Variants in MACROD2 observed in about 807,000 individuals in gnomAD.
MACROD2 encodes the protein ADP-ribose glycohydrolase MACROD2.
In MACROD2, 36 loss-of-function variants were observed where a neutral mutation model predicts 70.4. The observed-to-expected ratio is 0.51, with a 90% CI of 0.39 to 0.68. MACROD2 has a LOEUF of 0.68. MACROD2 is among the 30% of genes least tolerant of loss of function. MACROD2 has a pLI of 0.00. For synonymous variants in MACROD2, 172 were observed against 178.8 expected, an observed-to-expected ratio of 0.96 and a Z score of 0.30; for missense variants, 496 against 538.4, an observed-to-expected ratio of 0.92 and a Z score of 0.78.
intron 8 of MACROD2, among the ~76,000 whole-genome samples, chr20:15,754,519 A>G (rs2051318321): frequency 6.6e-6 from 1 of 151,952 alleles, no homozygotes; most frequent in Non-Finnish European, 1.5e-5. Flanking sequence ...CTGAGGTAGG[A>G]GAATCATCTG....
chr20:15,039,801 G>C (rs192258396), intron 5 of MACROD2, among the ~76,000 whole-genome samples: 60 of 152,106 alleles, frequency 3.9e-4, no homozygotes, highest in African/African-American at 1.4e-3. Flanking sequence ...CCTACACCAG[G>C]GTTTACTTTC....
intron 7 of MACROD2, among the ~76,000 whole-genome samples, chr20:15,432,811 C>G (rs2046379508): frequency 1.3e-5 from 2 of 151,790 alleles, no homozygotes; most frequent in Admixed American, 1.3e-4. Flanking sequence ...TGTTTTACTT[C>G]TGAGAATCTT....
intron 4 of MACROD2, among the ~76,000 whole-genome samples, chr20:14,581,731 C>T (rs1000446819): frequency 6.6e-6 from 1 of 152,216 alleles, no homozygotes; most frequent in Non-Finnish European, 1.5e-5. Flanking sequence ...CTCTTCCCAT[C>T]ATCCATTGCT....
At chr20:15,918,058 A>G (rs1343988274) in intron 10 of MACROD2, among the ~76,000 whole-genome samples, 4 of 152,182 alleles carry the variant, frequency 2.6e-5, no homozygotes, top group Non-Finnish European at 5.9e-5. Context: ...ATGAATAAAT[A>G]AATTGTTTAA....
At chr20:15,649,496 A>G (rs2049611838) in intron 8 of MACROD2, among the ~76,000 whole-genome samples, 1 of 152,058 alleles carries the variant, frequency 6.6e-6, no homozygotes, top group Non-Finnish European at 1.5e-5. Flanking sequence ...AGTTGTTCCA[A>G]ATCTCATAGC....
chr20:14,700,488 G>A (rs2071182687), intron 5 of MACROD2, among the ~76,000 whole-genome samples: 1 of 151,498 alleles, frequency 6.6e-6, no homozygotes, highest in Non-Finnish European at 1.5e-5. Flanking sequence ...GCATAGATGA[G>A]TAAGCTTGTT....
intron 4 of MACROD2, among the ~76,000 whole-genome samples, chr20:14,525,539 A>G (rs1028028655): frequency 2.0e-5 from 3 of 152,236 alleles, no homozygotes; most frequent in Non-Finnish European, 4.4e-5. Flanking sequence ...TAATGAATAA[A>G]TGATAAAGCT....
intron 5 of MACROD2, among the ~76,000 whole-genome samples, chr20:15,104,937 AAAG>A (rs1246395680): frequency 2.0e-5 from 3 of 152,182 alleles, no homozygotes; most frequent in Admixed American, 6.5e-5. Flanking sequence ...AGTCCAGAAA[AAAG>A]GTGACTATAC....
At chr20:14,376,751 A>AAAT (rs6147295) in intron 3 of MACROD2, among the ~76,000 whole-genome samples, 1,774 of 135,828 alleles carry the variant, frequency 0.013, 14 homozygotes, top group Middle Eastern at 0.045. Flanking sequence ...GCCTGTCTCA[A>AAAT]AATAATAATA....
At chr20:14,696,355 T>C (rs1184729957) in intron 5 of MACROD2, among the ~76,000 whole-genome samples, 1 of 152,210 alleles carries the variant, frequency 6.6e-6, no homozygotes, top group Non-Finnish European at 1.5e-5. Context: ...TGCTTTTTTT[T>C]ACTGATAAGA....
intron 8 of MACROD2, among the ~76,000 whole-genome samples, chr20:15,821,498 C>T (rs1023466692): frequency 1.3e-4 from 20 of 151,984 alleles, no homozygotes; most frequent in Admixed American, 7.2e-4. Flanking sequence ...CAGTCTGGGC[C>T]GGATTTGGAA....
At chr20:14,704,370 TCTTGGGTG>T in intron 5 of MACROD2, among the ~76,000 whole-genome samples, 1 of 152,050 alleles carries the variant, frequency 6.6e-6, no homozygotes, top group Non-Finnish European at 1.5e-5. Flanking sequence ...GCTCACTGCT[TCTTGGGTG>T]GGATAATTAT....
chr20:14,117,676 A>T (rs1047855473), intron 3 of MACROD2, among the ~76,000 whole-genome samples: 2 of 152,012 alleles, frequency 1.3e-5, no homozygotes, highest in South Asian at 4.1e-4. Context: ...ATGACTCTTC[A>T]TTTCCTTTGG....
intron 4 of MACROD2, among the ~76,000 whole-genome samples, chr20:14,626,683 A>G (rs1169292350): frequency 2.6e-5 from 4 of 152,156 alleles, no homozygotes; most frequent in Non-Finnish European, 5.9e-5. Context: ...CAAGGAAAAC[A>G]ATAATCCATA....
intron 6 of MACROD2, among the ~76,000 whole-genome samples, chr20:15,384,401 C>G (rs527519251): frequency 2.2e-4 from 33 of 152,156 alleles, no homozygotes; most frequent in Admixed American, 3.9e-4. Flanking sequence ...GTTGGGACCA[C>G]AGGTATGCAC....
At chr20:15,229,089 A>G (rs567763518) in intron 5 of MACROD2, among the ~76,000 whole-genome samples, 1 of 152,342 alleles carries the variant, frequency 6.6e-6, no homozygotes, top group African/African-American at 2.4e-5. Context: ...AAATTTGATT[A>G]AAACGTGGGG....
At chr20:15,686,907 A>G (rs1259902566) in intron 8 of MACROD2, among the ~76,000 whole-genome samples, 2 of 148,332 alleles carry the variant, frequency 1.3e-5, no homozygotes, top group East Asian at 3.9e-4. Context: ...AGTTTGTTGT[A>G]TATATCATAA....
intron 6 of MACROD2, among the ~76,000 whole-genome samples, chr20:15,392,698 TTC>T (rs1207369218): frequency 2.6e-5 from 4 of 152,126 alleles, no homozygotes; most frequent in Non-Finnish European, 4.4e-5. Flanking sequence ...CTTCTTTTTG[TTC>T]TCTCTCTTTC....
At chr20:15,255,799 G>A (rs537534990) in intron 6 of MACROD2, among the ~76,000 whole-genome samples, 1 of 152,152 alleles carries the variant, frequency 6.6e-6, no homozygotes, top group African/African-American at 2.4e-5. Flanking sequence ...TATGGTATAA[G>A]GACAAGAAAG....
Sources: gnomAD v4.1 joint callset for allele counts (sites outside exome capture counted in the v4.1 genomes callset) on GRCh38, gnomAD v4.1.1 for gene constraint, MANE v1.5 for transcripts, NCBI Gene and HGNC (gene_info 2026-07-23, HGNC 2026-07-21) for gene names.